The following PCBP3 variants were observed in gnomAD, a reference collection of about 807,000 sequenced individuals.
PCBP3 encodes the protein poly(rC) binding protein 3.
PCBP3 carries 25 observed loss-of-function variants against 52.7 expected under a neutral mutation model. That is an observed-to-expected ratio of 0.47 (90% confidence interval 0.35 to 0.66). PCBP3 has a LOEUF of 0.66. PCBP3 is among the 30% of genes least tolerant of loss of function. The pLI, the probability that PCBP3 is intolerant of heterozygous loss-of-function variation, is 0.01. For synonymous variants in PCBP3, 162 were observed against 183.0 expected, an observed-to-expected ratio of 0.89 and a Z score of 0.93; for missense variants, 391 against 490.3, an observed-to-expected ratio of 0.80 and a Z score of 1.91.
rs2084847953 is a variant in PCBP3, at chr21:45,724,022, G to C, written c.-199-11370G>C. Among the ~76,000 whole-genome samples, 3 of 152,296 alleles carry C rather than the reference G, an allele frequency of 2.0e-5. No homozygotes were observed. Among genetic ancestry groups the C allele is most frequent in the Admixed American group, 2.0e-4 (3 of 15,304 alleles). On this transcript the variant is annotated intron_variant, in intron 2 of 17. Transcript: ENST00000681687. This position sits in a 1 kb window ranked among gnomAD's most constrained non-coding sequence, Gnocchi z 5.3. ...CTAGCTCCCCCACATCCTGCTTCTT[G>C]TTGGCACTGTAAAACTCTCAATTCA...
At chr21:45,887,654 G>A (rs893667680) in intron 5 of PCBP3, among the ~76,000 whole-genome samples, 3 of 152,238 alleles carry the variant, frequency 2.0e-5, no homozygotes, top group South Asian at 2.1e-4. Flanking sequence ...GGCAAACAGC[G>A]TCGCCATTCC....
intron 9 of PCBP3, among the ~76,000 whole-genome samples, chr21:45,906,653 C>A (rs992088121): frequency 6.6e-6 from 1 of 152,190 alleles, no homozygotes; most frequent in Non-Finnish European, 1.5e-5. Flanking sequence ...TCTACACCCA[C>A]CTCATGAGGC....
chr21:45,729,069 C>T (rs1175440104), intron 2 of PCBP3, among the ~76,000 whole-genome samples: 1 of 152,178 alleles, frequency 6.6e-6, no homozygotes, highest in Non-Finnish European at 1.5e-5. Context: ...GTAATCACTC[C>T]TGGTCTCCCC....
chr21:45,890,433 CAG>C (rs887800291), intron 5 of PCBP3, among the ~76,000 whole-genome samples: 5 of 106,354 alleles, frequency 4.7e-5, no homozygotes, highest in Admixed American at 1.8e-4. Context: ...GTGCACTGCT[CAG>C]GGGAATGTGG....
chr21:45,685,627 A>ACT (rs951435777), intron 2 of PCBP3, among the ~76,000 whole-genome samples: 1 of 152,144 alleles, frequency 6.6e-6, no homozygotes, highest in African/African-American at 2.4e-5. Context: ...TTTCTTAGTA[A>ACT]AAGTACTTTT....
rs539439468 is a variant in PCBP3, at chr21:45,786,436, G to A, written c.-126+30984G>A. On this transcript the variant is annotated intron_variant, in intron 4 of 17. Transcript: ENST00000681687. ...CTCCCGAGTAGCTGGGATTATAGGC[G>A]CCCACCAATGTGCCTGGCTAATTTT... is the stretch of plus-strand genomic sequence containing the variant. 5.9e-5 allele frequency among the ~76,000 whole-genome samples: 9 copies of A among 152,070 alleles called. No homozygotes were observed. The South Asian group carries it at 1.5e-3, about 25-fold the overall frequency.
chr21:45,838,840 G>A (rs895248440), intron 4 of PCBP3, among the ~76,000 whole-genome samples: 1 of 151,996 alleles, frequency 6.6e-6, no homozygotes, highest in Non-Finnish European at 1.5e-5. Context: ...TCTCTCTGTG[G>A]TTATAGCTTC....
At chr21:45,661,304 C>T (rs769569802) in intron 1 of PCBP3, among the ~76,000 whole-genome samples, 1 of 152,176 alleles carries the variant, frequency 6.6e-6, no homozygotes, top group East Asian at 1.9e-4. Context: ...CCCACCCCCT[C>T]TCACCCTCCC....
chr21:45,849,945 T>C lies in PCBP3; in HGVS notation c.-125-16T>C, dbSNP rs2093930371. 2 of 765,784 alleles carry C rather than the reference T, an allele frequency of 2.6e-6. No homozygotes were observed. The highest frequency in any genetic ancestry group is 4.6e-6 in the Non-Finnish European group (2 of 436,194). The allele number at this position is 765,784 out of a possible 1,614,324, so 47.4% of individuals were successfully genotyped here. ...GCACTGGTGCGCTCACACAGCCCTG[T>C]GTTTTTGTGTTTTAGGTCGGTAGGC... On this transcript the variant is annotated splice_polypyrimidine_tract_variant and intron_variant, in intron 4 of 17. Transcript: ENST00000681687.
In PCBP3 at chr21:45,765,910, A is replaced by G. The variant is rs1021112898; in HGVS notation, c.-126+10458A>G. 9.8e-5 allele frequency among the ~76,000 whole-genome samples: 15 copies of G among 152,362 alleles called. No individual in the cohort carries two copies. In the South Asian group the frequency reaches 1.2e-3, roughly 13 times the overall value. On this transcript the variant is annotated intron_variant, in intron 4 of 17. Coordinates refer to ENST00000681687, the MANE Select transcript of PCBP3 (RefSeq NM_001384156.1). ...AGTCTCATAATTGTGCTGAAAAATA[A>G]TGTATTCAAGTGGACGCCTTCAGAA...
In PCBP3 at chr21:45,665,165, GC is replaced by G. The variant is rs376099458; in HGVS notation, c.-278-3707del. On this transcript the variant is annotated intron_variant, in intron 1 of 17. Transcript: ENST00000681687. ...GCCTATAATTCCAGCATTTTGGGAG[GC>G]CAAGGCAGGAGGATCACTTGAGGCC... 9.2e-5 allele frequency among the ~76,000 whole-genome samples: 14 copies of G among 152,156 alleles called. No individual in the cohort carries two copies. In the East Asian group the frequency reaches 2.7e-3, roughly 29 times the overall value.
rs2096453111 is a variant in PCBP3 at position 45,913,852 on chromosome 21, T to C, written c.601-99T>C. ...GGAGGTGTGGGGAGCGTGGAGCTGG[T>C]GCAGGGGGCTGAGTGGGGTGGGCCG... On this transcript the variant is annotated intron_variant, in intron 11 of 17. Coordinates refer to ENST00000681687, the MANE Select transcript of PCBP3 (RefSeq NM_001384156.1). 35 of 1,112,842 alleles carry C rather than the reference T, an allele frequency of 3.1e-5. No homozygotes were observed. In the South Asian group the frequency reaches 4.4e-4, roughly 14 times the overall value. The allele number at this position is 1,112,842 out of a possible 1,614,324, so 68.9% of individuals were successfully genotyped here.
chr21:45,925,046 A>G (rs2075180730), intron 13 of PCBP3, among the ~76,000 whole-genome samples: 1 of 95,212 alleles, frequency 1.1e-5, no homozygotes, highest in Non-Finnish European at 2.2e-5. Flanking sequence ...GAGTGGGTAG[A>G]AACAGCACAC....
At chr21:45,655,429 CTTG>C (rs1249891573) in intron 1 of PCBP3, among the ~76,000 whole-genome samples, 1 of 152,052 alleles carries the variant, frequency 6.6e-6, no homozygotes, top group East Asian at 1.9e-4. Flanking sequence ...CTCTCAAACA[CTTG>C]TTATTTTCCA....
chr21:45,816,448 CG>C (rs2092959278), intron 4 of PCBP3, among the ~76,000 whole-genome samples: 2 of 94,478 alleles, frequency 2.1e-5, no homozygotes, highest in Non-Finnish European at 2.2e-5. Context: ...TCCCCCTCCC[CG>C]TCCCCTGCCC....
At chr21:45,820,201 G>A (rs1422077994) in intron 4 of PCBP3, among the ~76,000 whole-genome samples, 2 of 152,248 alleles carry the variant, frequency 1.3e-5, no homozygotes, top group African/African-American at 4.8e-5. Flanking sequence ...CCGGCTGTCA[G>A]GTGTTTTTGG....
chr21:45,792,074 A>AGGCCAC (rs1306647700), intron 4 of PCBP3, among the ~76,000 whole-genome samples: 2 of 152,280 alleles, frequency 1.3e-5, no homozygotes, highest in Admixed American at 6.5e-5. Context: ...CACCTGGCCC[A>AGGCCAC]GGCCACTGCA....
chr21:45,669,257 T>A (rs1157117051), intron 2 of PCBP3, among the ~76,000 whole-genome samples: 2 of 152,212 alleles, frequency 1.3e-5, no homozygotes, highest in African/African-American at 4.8e-5. Context: ...TTTGACCTAG[T>A]TTCCAGTTCA....
At chr21:45,777,212 T>G (rs539491919) in intron 4 of PCBP3, among the ~76,000 whole-genome samples, 1 of 152,294 alleles carries the variant, frequency 6.6e-6, no homozygotes, top group African/African-American at 2.4e-5. Flanking sequence ...GTTTTTTGTT[T>G]TTTTCCCCCA....
Sources: gnomAD v4.1 joint callset for allele counts (sites outside exome capture counted in the v4.1 genomes callset) on GRCh38, gnomAD v4.1.1 for gene constraint, Gnocchi (gnomAD v3.1) non-coding constraint, MANE v1.5 for transcripts, NCBI Gene and HGNC (gene_info 2026-07-23, HGNC 2026-07-21) for gene names.